The following NXPE2 variants were observed in gnomAD, a reference collection of about 807,000 sequenced individuals.
NXPE2 encodes the protein NXPE family member 2.
NXPE2 carries 34 observed loss-of-function variants against 34.4 expected under a neutral mutation model. The observed-to-expected ratio is 0.99, with a 90% CI of 0.75 to 1.31. The LOEUF is 1.31. Ranked by LOEUF, NXPE2 falls within the 40% of genes most tolerant of loss-of-function variation. NXPE2 has a pLI of 0.00. For missense variants in NXPE2, 649 were observed against 672.5 expected, an observed-to-expected ratio of 0.97 and a Z score of 0.39; for synonymous variants, 235 against 231.3, an observed-to-expected ratio of 1.02 and a Z score of -0.15.
the NXPE2 span, among the ~76,000 whole-genome samples, chr11:114,767,048 G>T: frequency 6.6e-6 from 1 of 152,030 alleles, no homozygotes; most frequent in Non-Finnish European, 1.5e-5. Context: ...AAGAGCAGCT[G>T]GTGATATTAA....
the NXPE2 span, among the ~76,000 whole-genome samples, chr11:114,489,546 G>GT: frequency 7.6e-4 from 116 of 152,272 alleles, no homozygotes; most frequent in African/African-American, 2.7e-3. Flanking sequence ...TGCAAGGCTG[G>GT]TTCAACATAT....
chr11:114,562,806 A>G, the NXPE2 span, among the ~76,000 whole-genome samples: 20 of 152,290 alleles, frequency 1.3e-4, no homozygotes, highest in South Asian at 3.3e-3. Context: ...AAACAATGTA[A>G]TCAAGCTTCT....
chr11:114,657,741 G>GA, the NXPE2 span, among the ~76,000 whole-genome samples: 232 of 151,896 alleles, frequency 1.5e-3, no homozygotes, highest in African/African-American at 4.3e-3. Flanking sequence ...CTTGTACAAA[G>GA]AAAAAAAGAT....
the NXPE2 span, among the ~76,000 whole-genome samples, chr11:114,469,216 A>G: frequency 7.2e-6 from 1 of 138,650 alleles, no homozygotes; most frequent in Non-Finnish European, 1.5e-5. Flanking sequence ...GGTTCATGTC[A>G]TTCTCCTGCC....
At chr11:114,556,446 G>C in the NXPE2 span, among the ~76,000 whole-genome samples, 1 of 152,010 alleles carries the variant, frequency 6.6e-6, no homozygotes, top group African/African-American at 2.4e-5. Flanking sequence ...TTCTTCTAAG[G>C]CCTTTCTCCT....
the NXPE2 span, among the ~76,000 whole-genome samples, chr11:114,597,016 T>A: frequency 1.3e-5 from 2 of 152,312 alleles, no homozygotes; most frequent in East Asian, 3.9e-4. Flanking sequence ...ATAGTGTATA[T>A]GTATAACAAC....
chr11:114,807,846 A>G, the NXPE2 span, among the ~76,000 whole-genome samples: 1 of 152,156 alleles, frequency 6.6e-6, no homozygotes, highest in Non-Finnish European at 1.5e-5. Context: ...AGCAGACCTA[A>G]TAGACATCTA....
chr11:114,582,581 C>T, the NXPE2 span: 2 of 1,614,056 alleles, frequency 1.2e-6, no homozygotes, highest in African/African-American at 2.7e-5. Context: ...GGATGAGCAG[C>T]AGAGACAGAG....
chr11:114,649,181 G>A, the NXPE2 span, among the ~76,000 whole-genome samples: 1 of 151,346 alleles, frequency 6.6e-6, no homozygotes, highest in Non-Finnish European at 1.5e-5. Flanking sequence ...CTTTTGAAGG[G>A]TCTGGACCAT....
chr11:114,750,303 T>A, the NXPE2 span, among the ~76,000 whole-genome samples: 1 of 152,238 alleles, frequency 6.6e-6, no homozygotes, highest in Non-Finnish European at 1.5e-5. Context: ...TGCTCCAGGC[T>A]GTCACATGTC....
chr11:114,629,054 C>T, the NXPE2 span, among the ~76,000 whole-genome samples: 2 of 151,968 alleles, frequency 1.3e-5, 1 homozygote, highest in Admixed American at 1.3e-4. Context: ...AAAAAGAGTC[C>T]AGGACCAGAT....
the NXPE2 span, among the ~76,000 whole-genome samples, chr11:114,797,401 T>C: frequency 6.6e-6 from 1 of 152,194 alleles, no homozygotes; most frequent in African/African-American, 2.4e-5. Flanking sequence ...TCTCTCCTTC[T>C]GGGCCCACAG....
the NXPE2 span, among the ~76,000 whole-genome samples, chr11:114,604,610 C>A: frequency 7.2e-6 from 1 of 138,116 alleles, no homozygotes; most frequent in African/African-American, 2.7e-5. Flanking sequence ...CATTACCCAC[C>A]GGATACTAAG....
the NXPE2 span, among the ~76,000 whole-genome samples, chr11:114,666,473 T>C: frequency 7.9e-5 from 12 of 152,116 alleles, no homozygotes; most frequent in Non-Finnish European, 1.8e-4. Flanking sequence ...CTCACATCAG[T>C]ATTGATTTGT....
chr11:114,582,601 C>T, the NXPE2 span: 1 of 1,614,138 alleles, frequency 6.2e-7, no homozygotes, highest in Non-Finnish European at 8.5e-7. Context: ...GAGACCTGGC[C>T]CTCCCAGAAC....
the NXPE2 span, among the ~76,000 whole-genome samples, chr11:114,503,375 G>T: frequency 1.3e-5 from 2 of 152,052 alleles, no homozygotes; most frequent in Non-Finnish European, 2.9e-5. Flanking sequence ...AAGAGACGGA[G>T]ACAATTTCAA....
At chr11:114,807,403 G>A in the NXPE2 span, among the ~76,000 whole-genome samples, 3 of 152,268 alleles carry the variant, frequency 2.0e-5, no homozygotes, top group East Asian at 3.9e-4. Context: ...TGGCAAATTG[G>A]ATAAAGAGTC....
At chr11:114,469,434 T>C in the NXPE2 span, among the ~76,000 whole-genome samples, 1 of 152,154 alleles carries the variant, frequency 6.6e-6, no homozygotes, top group Non-Finnish European at 1.5e-5. Flanking sequence ...TTTTTAAGAA[T>C]AGCTTTATTG....
the NXPE2 span, chr11:114,594,761 AT>A: frequency 7.0e-7 from 1 of 1,435,474 alleles, no homozygotes; most frequent in Non-Finnish European, 9.7e-7. Flanking sequence ...TATTTTCATG[AT>A]TAGGATCCTA....
Sources: gnomAD v4.1 joint callset for allele counts (sites outside exome capture counted in the v4.1 genomes callset) on GRCh38, gnomAD v4.1.1 for gene constraint, MANE v1.5 for transcripts, NCBI Gene and HGNC (gene_info 2026-07-23, HGNC 2026-07-21) for gene names.